Variants in PSORS1C1 observed in about 807,000 individuals in gnomAD.
The protein encoded by PSORS1C1 is psoriasis susceptibility 1 candidate gene 1 protein.
Under a neutral mutation model 9.4 loss-of-function variants are expected in PSORS1C1, and 7 were observed. That is an observed-to-expected ratio of 0.75 (90% CI 0.42 to 1.40). The LOEUF is 1.40. PSORS1C1 is among the 40% of genes most tolerant of loss of function. The pLI is 0.01. For synonymous variants in PSORS1C1, 63 were observed against 69.4 expected (o/e 0.91, Z 0.46); for missense variants, 146 against 178.1 (o/e 0.82, Z 1.02).
chr6:31,115,963 A>C lies in PSORS1C1; in HGVS notation c.-229+1072A>C. 1.4e-6 allele frequency: 2 copies of C among 1,442,388 alleles called. No individual in the cohort carries two copies. Among genetic ancestry groups the C allele is most frequent in the Non-Finnish European group, 1.9e-6 (2 of 1,028,484 alleles). 89.3% of individuals were successfully genotyped at this position (1,442,388 alleles called of 1,614,324 possible). A position where few individuals can be genotyped will look rare whatever the true frequency, so the allele number is the denominator to read the frequency against. ...TGCCTGGGCACTGGACTTCTCCCAT[A>C]TGGGATATAGTGTATGTGCTTGTTT... On this transcript the variant is annotated intron_variant, in intron 1 of 5. Coordinates refer to ENST00000259881, the MANE Select transcript of PSORS1C1 (RefSeq NM_014068.3). The surrounding 1 kb of genome is among the most constrained non-coding windows in gnomAD (Gnocchi z 4.2).
chr6:31,134,711 T>C (rs1431386248), intron 3 of PSORS1C1, among the ~76,000 whole-genome samples: 2 of 152,240 alleles, frequency 1.3e-5, no homozygotes, highest in East Asian at 1.9e-4. Context: ...TCTTCATCCC[T>C]AACCCTGGTC....
chr6:31,114,930 G>T (rs952318977), intron 1 of PSORS1C1, 39 bp downstream of exon 1: 1 of 444,094 alleles, frequency 2.3e-6, no homozygotes, highest in African/African-American at 2.0e-5. Flanking sequence ...GAGTTTGGGT[G>T]GGGAGGGGAG....
chr6:31,120,117 C>A lies in PSORS1C1; in HGVS notation c.-229+5226C>A, dbSNP rs1772375317. On this transcript the variant is annotated intron_variant, in intron 1 of 5. Coordinates refer to ENST00000259881, the MANE Select transcript of PSORS1C1 (RefSeq NM_014068.3). ...ATCACATACATTATTTAATTTGAGA[C>A]ACACAGACTAGAGTTAGGTGTCATT... 2.0e-5 allele frequency among the ~76,000 whole-genome samples: 3 copies of A among 152,094 alleles called. No homozygotes were observed. In the South Asian group the frequency reaches 6.2e-4, roughly 32 times the overall value.
Position 31,130,939 on chromosome 6 carries a change from C to T in PSORS1C1, c.13+1294C>T, listed in dbSNP as rs188296604. Among the ~76,000 whole-genome samples the T allele has an allele frequency of 6.1e-4, 92 of 151,930 alleles. No individual in the cohort carries two copies. In the East Asian group the frequency reaches 7.9e-3, roughly 13 times the overall value. Reference sequence around the variant, plus strand: ...GACCTCCTGAGCTCAAGCAATCTTCCACCTCAGCCTCTGGAATAGCTGGGA... The same window carrying T: ...GACCTCCTGAGCTCAAGCAATCTTCTACCTCAGCCTCTGGAATAGCTGGGA... On this transcript the variant is annotated intron_variant, in intron 3 of 5. Transcript: ENST00000259881.
intron 1 of PSORS1C1, among the ~76,000 whole-genome samples, chr6:31,122,597 G>A (rs1263604009): frequency 1.3e-5 from 2 of 149,570 alleles, no homozygotes; most frequent in Non-Finnish European, 3.0e-5. Context: ...CCAACATGGC[G>A]AAACCCCGTC....
At chr6:31,117,161 T>G (rs752840782) in intron 1 of PSORS1C1, 1 of 1,606,264 alleles carries the variant, frequency 6.2e-7, no homozygotes, top group Admixed American at 1.7e-5. Context: ...GAATGAGAGC[T>G]GCTGCTTCCC....
At chr6:31,122,514 G>A (rs1414710056) in intron 1 of PSORS1C1, among the ~76,000 whole-genome samples, 2 of 152,262 alleles carry the variant, frequency 1.3e-5, no homozygotes, top group Non-Finnish European at 1.5e-5. Flanking sequence ...GGTGGCTCAC[G>A]CTTGTAATCC....
intron 3 of PSORS1C1, chr6:31,137,569 GA>G (rs1295471261): frequency 7.4e-6 from 2 of 271,200 alleles, no homozygotes; most frequent in African/African-American, 4.4e-5. Flanking sequence ...CCGTTTCATG[GA>G]AGCAGCAGCT....
chr6:31,123,156 C>A (rs1389579175), intron 1 of PSORS1C1, among the ~76,000 whole-genome samples: 1 of 152,218 alleles, frequency 6.6e-6, no homozygotes, highest in Non-Finnish European at 1.5e-5. Flanking sequence ...TCCAGCCGCC[C>A]ACGTGGACTG....
intron 3 of PSORS1C1, among the ~76,000 whole-genome samples, chr6:31,130,037 C>T (rs6906565): frequency 0.11 from 16,621 of 152,100 alleles, 983 homozygotes; most frequent in Middle Eastern, 0.21. Context: ...CTGCAGTGAG[C>T]TGTAACTGCA....
intron 3 of PSORS1C1, chr6:31,137,852 G>A: frequency 3.6e-6 from 2 of 559,888 alleles, no homozygotes; most frequent in Non-Finnish European, 6.2e-6. Flanking sequence ...GAGGTTTAAG[G>A]AGACAGGCTA....
At chr6:31,116,807 C>T (rs1772156903) in intron 1 of PSORS1C1, 1 of 1,613,828 alleles carries the variant, frequency 6.2e-7, no homozygotes, top group African/African-American at 1.3e-5. Flanking sequence ...CAGGGGGGAC[C>T]TTGAACCACT....
chr6:31,122,234 A>T (rs1377429435), intron 1 of PSORS1C1, among the ~76,000 whole-genome samples: 1 of 152,208 alleles, frequency 6.6e-6, no homozygotes, highest in Non-Finnish European at 1.5e-5. Context: ...CAAATGGGAA[A>T]TTATCAAAAA....
In PSORS1C1 at chr6:31,115,890, G is replaced by A. The variant is rs941335515; in HGVS notation, c.-229+999G>A. 12 of 761,298 alleles carry A rather than the reference G, an allele frequency of 1.6e-5. No homozygotes were observed. The highest frequency in any genetic ancestry group is 1.6e-4 in the African/African-American group (9 of 57,652). The allele number at this position is 761,298 out of a possible 1,614,324, so 47.2% of individuals were successfully genotyped here. Reference sequence around the variant, plus strand: ...GAGTCTGCAACCTTGGGGTAGTGGAGAAAGCAGAACCACTCTTTTGGGAAG... The same window carrying A: ...GAGTCTGCAACCTTGGGGTAGTGGAAAAAGCAGAACCACTCTTTTGGGAAG... On this transcript the variant is annotated intron_variant, in intron 1 of 5. Transcript: ENST00000259881. The surrounding 1 kb of genome is among the most constrained non-coding windows in gnomAD (Gnocchi z 4.2).
intron 1 of PSORS1C1, chr6:31,120,520 G>C: frequency 9.4e-7 from 1 of 1,067,390 alleles, no homozygotes; most frequent in Non-Finnish European, 1.4e-6. Context: ...GTGGGGAGAG[G>C]AGGAGAGGTG....
At position 31,129,094 on chromosome 6, in the gene PSORS1C1, G is replaced by A. The variant is rs190717057; in HGVS notation, c.-64-475G>A. On this transcript the variant is annotated intron_variant, in intron 2 of 5. Coordinates refer to ENST00000259881, the MANE Select transcript of PSORS1C1 (RefSeq NM_014068.3). ...TCCAAAGACATCATTCGCTGCCCAAGGCTCAGGGCTGTGCCTGGTGCTTTC... is the reference window on the plus strand; with the variant it reads ...TCCAAAGACATCATTCGCTGCCCAAAGCTCAGGGCTGTGCCTGGTGCTTTC... Among the ~76,000 whole-genome samples the A allele has an allele frequency of 6.1e-4, 93 of 152,334 alleles. No individual in the cohort carries two copies. In the East Asian group the frequency reaches 7.9e-3, roughly 13 times the overall value.
intron 1 of PSORS1C1, among the ~76,000 whole-genome samples, chr6:31,121,000 C>T (rs943515404): frequency 6.6e-6 from 1 of 151,686 alleles, no homozygotes; most frequent in Non-Finnish European, 1.5e-5. Context: ...CTGCCCCCAT[C>T]CCCCAGGCTC....
rs1773324099 is a variant in PSORS1C1, at chr6:31,139,240, C to CT, written c.168-400dup. 1.7e-6 allele frequency: 1 copy of CT among 589,668 alleles called. No individual in the cohort carries two copies. The highest frequency in any genetic ancestry group is 1.9e-5 in the African/African-American group (1 of 53,702). The allele number at this position is 589,668 out of a possible 1,614,324, so 36.5% of individuals were successfully genotyped here. On this transcript the variant is annotated intron_variant, in intron 5 of 5. Transcript: ENST00000259881. This position sits in a 1 kb window ranked among gnomAD's most constrained non-coding sequence, Gnocchi z 5.2. ...TTTAGTCCTCCAGCCCAGGACCCAGCTGCCTGCTCTCCCTATCATGACCCA... is the reference window on the plus strand; with the variant it reads ...TTTAGTCCTCCAGCCCAGGACCCAGCTTGCCTGCTCTCCCTATCATGACCCA...
chr6:31,137,083 G>T (rs944106676), intron 3 of PSORS1C1, among the ~76,000 whole-genome samples: 4 of 152,084 alleles, frequency 2.6e-5, no homozygotes, highest in African/African-American at 9.7e-5. Context: ...GGGAGGCGGA[G>T]GTTGCAGTGA....
Sources: allele counts gnomAD v4.1 joint callset (sites outside exome capture counted in the v4.1 genomes callset), GRCh38; gene constraint gnomAD v4.1.1; non-coding constraint Gnocchi (gnomAD v3.1); transcripts MANE v1.5; gene names NCBI Gene and HGNC (gene_info 2026-07-23, HGNC 2026-07-21).